ATXN7L1: variants seen among roughly 807,000 people sequenced by gnomAD.
ATXN7L1 encodes the protein ataxin-7-like protein 1.
In ATXN7L1, 15 loss-of-function variants were observed where a neutral mutation model predicts 70.8. That is an observed-to-expected ratio of 0.21 (90% CI 0.14 to 0.33). The LOEUF (loss-of-function observed/expected upper bound fraction) is 0.33. Ranked by LOEUF, ATXN7L1 falls within the 10% of genes least tolerant of loss-of-function variation. The pLI is 1.00. For missense variants in ATXN7L1, 975 were observed against 1,097.1 expected (o/e 0.89, Z 1.57); for synonymous variants, 440 against 445.1 (o/e 0.99, Z 0.14).
chr7:105,851,024 C>G (rs944286718), intron 2 of ATXN7L1, among the ~76,000 whole-genome samples: 4 of 152,144 alleles, frequency 2.6e-5, no homozygotes, highest in African/African-American at 9.7e-5. Context: ...CACCTCCCTC[C>G]CCTTGCTCTC....
intron 2 of ATXN7L1, among the ~76,000 whole-genome samples, chr7:105,844,555 C>G (rs1441547448): frequency 2.6e-5 from 4 of 152,104 alleles, no homozygotes; most frequent in Non-Finnish European, 5.9e-5. Flanking sequence ...ACTCAACCAA[C>G]AAGAATGGAA....
At chr7:105,697,751 G>A (rs1791929719) in intron 3 of ATXN7L1, among the ~76,000 whole-genome samples, 1 of 152,206 alleles carries the variant, frequency 6.6e-6, no homozygotes, top group Non-Finnish European at 1.5e-5. Context: ...ACAGGCATAA[G>A]AAATTACAAA....
intron 2 of ATXN7L1, among the ~76,000 whole-genome samples, chr7:105,816,270 G>T (rs1414252533): frequency 6.6e-6 from 1 of 152,160 alleles, no homozygotes; most frequent in East Asian, 1.9e-4. Flanking sequence ...TGGGGAGAGG[G>T]TCTGGGGGCT....
chr7:105,646,621 T>C (rs911252627), intron 4 of ATXN7L1, among the ~76,000 whole-genome samples: 3 of 152,072 alleles, frequency 2.0e-5, no homozygotes, highest in Admixed American at 2.0e-4. Flanking sequence ...TTTCACCATG[T>C]TGGCCAGGCT....
intron 2 of ATXN7L1, among the ~76,000 whole-genome samples, chr7:105,851,624 T>C (rs924722074): frequency 1.3e-5 from 2 of 152,204 alleles, no homozygotes; most frequent in African/African-American, 4.8e-5. Context: ...CTCACGTGTT[T>C]CCATCCCCCT....
chr7:105,621,122 G>A (rs960519484), intron 8 of ATXN7L1, among the ~76,000 whole-genome samples: 3 of 152,012 alleles, frequency 2.0e-5, no homozygotes, highest in East Asian at 1.9e-4. Flanking sequence ...TCCCAGTCTC[G>A]ACCACATTTC....
At chr7:105,643,714 C>T (rs1433656240) in intron 4 of ATXN7L1, among the ~76,000 whole-genome samples, 1 of 152,234 alleles carries the variant, frequency 6.6e-6, no homozygotes, top group African/African-American at 2.4e-5. Flanking sequence ...ATTGAGTGAG[C>T]CGCCATGTAG....
chr7:105,718,136 A>G (rs994225249), intron 3 of ATXN7L1, among the ~76,000 whole-genome samples: 9 of 152,164 alleles, frequency 5.9e-5, no homozygotes, highest in African/African-American at 2.2e-4. Context: ...AACAGCAACA[A>G]TAAGAAAACA....
Position 105,749,185 on chromosome 7 carries a change from A to T in ATXN7L1, c.355+39419T>A, listed in dbSNP as rs145489729. ...AGGGGTTGGTGGAGAAATGTTTGGAAGTGTTTTGGGTTTCAGAGGAAATTC... is the reference window on the plus strand; with the variant it reads ...AGGGGTTGGTGGAGAAATGTTTGGATGTGTTTTGGGTTTCAGAGGAAATTC... On this transcript the variant is annotated intron_variant, in intron 3 of 11. Coordinates refer to ENST00000419735, the MANE Select transcript of ATXN7L1 (RefSeq NM_020725.2). 5.5e-3 allele frequency among the ~76,000 whole-genome samples: 810 copies of T among 148,586 alleles called. 11 individuals are homozygous for T. The highest frequency in any genetic ancestry group is 8.4e-3 in the Non-Finnish European group (555 of 66,202).
At chr7:105,699,296 C>A (rs1792142317) in intron 3 of ATXN7L1, among the ~76,000 whole-genome samples, 1 of 152,126 alleles carries the variant, frequency 6.6e-6, no homozygotes, top group African/African-American at 2.4e-5. Flanking sequence ...TCACGCCCAG[C>A]TAATTTTGTA....
chr7:105,679,414 C>T (rs1470592326), intron 3 of ATXN7L1, among the ~76,000 whole-genome samples: 1 of 152,136 alleles, frequency 6.6e-6, no homozygotes, highest in Non-Finnish European at 1.5e-5. Flanking sequence ...GGTCCCCGGT[C>T]CCCAGGCAGC....
At chr7:105,625,257 AT>A (rs1481245497) in intron 7 of ATXN7L1, among the ~76,000 whole-genome samples, 1 of 152,064 alleles carries the variant, frequency 6.6e-6, no homozygotes, top group East Asian at 1.9e-4. Context: ...TTATTTATTT[AT>A]TTGTTTGTTT....
At chr7:105,769,017 G>C (rs1199432731) in intron 3 of ATXN7L1, among the ~76,000 whole-genome samples, 7 of 152,202 alleles carry the variant, frequency 4.6e-5, no homozygotes, top group African/African-American at 1.7e-4. Flanking sequence ...CAGGAATCCT[G>C]ACTTCTAGTC....
At chr7:105,698,015 G>A (rs892471997) in intron 3 of ATXN7L1, among the ~76,000 whole-genome samples, 7 of 152,228 alleles carry the variant, frequency 4.6e-5, no homozygotes, top group Non-Finnish European at 1.0e-4. Flanking sequence ...TGGCCAAGAA[G>A]AGGATGGAGC....
At chr7:105,824,295 C>G (rs1810555792) in intron 2 of ATXN7L1, among the ~76,000 whole-genome samples, 1 of 152,166 alleles carries the variant, frequency 6.6e-6, no homozygotes, top group South Asian at 2.1e-4. Context: ...CTCCAAGCCG[C>G]TTGTAGTGCC....
At chr7:105,716,023 G>A (rs892964108) in intron 3 of ATXN7L1, among the ~76,000 whole-genome samples, 2 of 152,034 alleles carry the variant, frequency 1.3e-5, no homozygotes, top group Non-Finnish European at 2.9e-5. Flanking sequence ...GGGATGGGAA[G>A]AGAAAAAAGA....
intron 3 of ATXN7L1, among the ~76,000 whole-genome samples, chr7:105,738,265 C>T (rs1781980826): frequency 6.6e-6 from 1 of 152,186 alleles, no homozygotes; most frequent in South Asian, 2.1e-4. Context: ...CTCCCCTCAG[C>T]ACTACTGCTG....
At chr7:105,703,262 G>A (rs546903191) in intron 3 of ATXN7L1, among the ~76,000 whole-genome samples, 1 of 148,550 alleles carries the variant, frequency 6.7e-6, no homozygotes, top group Non-Finnish European at 1.5e-5. Flanking sequence ...CCGAGATCCC[G>A]TCATTCCACT....
At chr7:105,713,220 C>A (rs1259534442) in intron 3 of ATXN7L1, among the ~76,000 whole-genome samples, 1 of 152,198 alleles carries the variant, frequency 6.6e-6, no homozygotes, top group Non-Finnish European at 1.5e-5. Flanking sequence ...TCCCACCAAG[C>A]CCCTCCTCCA....
Sources: allele counts gnomAD v4.1 joint callset (sites outside exome capture counted in the v4.1 genomes callset), GRCh38; gene constraint gnomAD v4.1.1; transcripts MANE v1.5; gene names NCBI Gene and HGNC (gene_info 2026-07-23, HGNC 2026-07-21).